Variants in INPP4B observed in about 807,000 individuals in gnomAD.
INPP4B encodes inositol polyphosphate 4-phosphatase type II.
A neutral mutation model predicts 122.5 loss-of-function variants in INPP4B; 55 were observed. The ratio of observed to expected loss-of-function variants is 0.45; its 90% CI spans 0.36 to 0.56. The LOEUF (loss-of-function observed/expected upper bound fraction) is 0.56, where lower values mean the gene tolerates loss of function less well. INPP4B is among the 20% of genes least tolerant of loss of function. INPP4B has a pLI of 0.00. For synonymous variants in INPP4B, 403 were observed against 388.7 expected, an observed-to-expected ratio of 1.04 and a Z score of -0.43; for missense variants, 1,000 against 1,097.7, an observed-to-expected ratio of 0.91 and a Z score of 1.26.
intron 17 of INPP4B, among the ~76,000 whole-genome samples, chr4:142,159,020 G>T (rs115552298): frequency 0.011 from 1,705 of 151,888 alleles, 38 homozygotes; most frequent in African/African-American, 0.039. Context: ...TATCTCAAGG[G>T]ATAGTATTAA....
chr4:142,429,291 G>T, intron 4 of INPP4B, 74 bp from the exon 5 acceptor site: 1 of 754,482 alleles, frequency 1.3e-6, no homozygotes, highest in South Asian at 1.7e-5. Flanking sequence ...ATATTACTAT[G>T]CTTCATTGTG....
intron 25 of INPP4B, among the ~76,000 whole-genome samples, chr4:142,045,201 T>C (rs1441021251): frequency 2.0e-5 from 3 of 152,134 alleles, no homozygotes; most frequent in African/African-American, 4.8e-5. Flanking sequence ...TGTATACATC[T>C]CCTGAACTGA....
At chr4:142,579,662 C>A (rs914461807) in intron 2 of INPP4B, among the ~76,000 whole-genome samples, 1 of 151,722 alleles carries the variant, frequency 6.6e-6, no homozygotes, top group Non-Finnish European at 1.5e-5. Context: ...GGGACATTGG[C>A]TTTTTCTCCC....
At chr4:142,659,827 CA>C (rs1294600741) in intron 2 of INPP4B, among the ~76,000 whole-genome samples, 1 of 152,118 alleles carries the variant, frequency 6.6e-6, no homozygotes, top group Non-Finnish European at 1.5e-5. Context: ...GAGGAGGACT[CA>C]ATTCCACAGC....
In INPP4B at chr4:142,805,281, C is replaced by T. The variant is rs559641510; in HGVS notation, c.-254+40928G>A. 7.2e-5 allele frequency among the ~76,000 whole-genome samples: 11 copies of T among 152,110 alleles called. No individual in the cohort carries two copies. The East Asian group carries it at 1.7e-3, about 24-fold the overall frequency. On this transcript the variant is annotated intron_variant, in intron 1 of 25. Transcript: ENST00000262992. Reference sequence around the variant, plus strand: ...CCACTACAGAAGTTAAAAGGATGTCCGCAATCACTGTTAATACTTAACATT... The same window carrying T: ...CCACTACAGAAGTTAAAAGGATGTCTGCAATCACTGTTAATACTTAACATT...
intron 9 of INPP4B, among the ~76,000 whole-genome samples, chr4:142,286,096 TA>T (rs973129282): frequency 6.6e-6 from 1 of 152,144 alleles, no homozygotes; most frequent in African/African-American, 2.4e-5. Context: ...GAAAAGTAAT[TA>T]AAGCAAAGTT....
Position 142,730,959 on chromosome 4 carries a change from T to A in INPP4B, c.-253-5058A>T, listed in dbSNP as rs1313128667. On this transcript the variant is annotated intron_variant, in intron 1 of 25. Coordinates refer to ENST00000262992, the MANE Select transcript of INPP4B (RefSeq NM_001101669.3). Reference sequence around the variant, plus strand: ...ATAGCAGTTGTTGCCGCACCAAGTTTTTTTTTAAATTTAATTTTACTTTAT... The same window carrying A: ...ATAGCAGTTGTTGCCGCACCAAGTTATTTTTTAAATTTAATTTTACTTTAT... Among the ~76,000 whole-genome samples the A allele has an allele frequency of 7.1e-5, 6 of 84,004 alleles. No individual in the cohort carries two copies. The Admixed American group carries it at 8.5e-4, about 12-fold the overall frequency. The allele number at this position is 84,004 out of a possible 152,430, so 55.1% of individuals were successfully genotyped here. A position where few individuals can be genotyped will look rare whatever the true frequency, so the allele number is the denominator to read the frequency against.
intron 25 of INPP4B, chr4:142,030,258 G>T: frequency 6.5e-7 from 1 of 1,535,432 alleles, no homozygotes; most frequent in South Asian, 1.2e-5. Flanking sequence ...TAGACAGCCT[G>T]TTTCAGGATC....
intron 17 of INPP4B, among the ~76,000 whole-genome samples, chr4:142,160,106 T>A (rs1160827051): frequency 6.6e-6 from 1 of 152,008 alleles, no homozygotes; most frequent in East Asian, 1.9e-4. Context: ...AAGAGTCTTG[T>A]AACTGTGGCA....
chr4:142,490,942 T>C (rs1821794734), intron 2 of INPP4B, among the ~76,000 whole-genome samples: 1 of 152,216 alleles, frequency 6.6e-6, no homozygotes, highest in African/African-American at 2.4e-5. Flanking sequence ...TGTGTATATA[T>C]ACATTTTCTT....
intron 1 of INPP4B, among the ~76,000 whole-genome samples, chr4:142,752,853 T>C (rs1201971199): frequency 1.3e-5 from 2 of 152,158 alleles, no homozygotes; most frequent in African/African-American, 4.8e-5. Context: ...TTTTCCTTTT[T>C]TCCTATGAAC....
intron 9 of INPP4B, among the ~76,000 whole-genome samples, chr4:142,274,643 T>C (rs1747506284): frequency 6.6e-6 from 1 of 151,992 alleles, no homozygotes; most frequent in East Asian, 1.9e-4. Context: ...AATTATGACA[T>C]TGGATCTTGG....
intron 3 of INPP4B, among the ~76,000 whole-genome samples, chr4:142,459,251 G>T (rs1816195654): frequency 7.2e-6 from 1 of 138,466 alleles, no homozygotes; most frequent in Admixed American, 7.6e-5. Flanking sequence ...AGTTTTCACA[G>T]ATACGGATCA....
At chr4:142,131,764 T>C (rs112486084) in intron 18 of INPP4B, among the ~76,000 whole-genome samples, 3,558 of 152,300 alleles carry the variant, frequency 0.023, 74 homozygotes, top group East Asian at 0.052. Context: ...GAGACCAGCC[T>C]GACCAATGTG....
intron 8 of INPP4B, among the ~76,000 whole-genome samples, chr4:142,306,876 A>G (rs1763579788): frequency 6.6e-6 from 1 of 152,148 alleles, no homozygotes; most frequent in South Asian, 2.1e-4. Flanking sequence ...CCTCATTTCT[A>G]AAAAAGAAAG....
At position 142,460,497 on chromosome 4, in the gene INPP4B, T is replaced by C. The variant is rs140011556; in HGVS notation, c.-127+2166A>G. ...AATATGATGTTTTTCTTCCTACATTTAAGTTTCAATGTTGGTCTATTTTCT... is the reference window on the plus strand; with the variant it reads ...AATATGATGTTTTTCTTCCTACATTCAAGTTTCAATGTTGGTCTATTTTCT... On this transcript the variant is annotated intron_variant, in intron 3 of 25. Transcript: ENST00000262992. 5.9e-5 allele frequency among the ~76,000 whole-genome samples: 9 copies of C among 152,320 alleles called. No homozygotes were observed. The East Asian group carries it at 1.7e-3, about 29-fold the overall frequency.
At chr4:142,448,249 A>T (rs896539876) in intron 3 of INPP4B, among the ~76,000 whole-genome samples, 1 of 147,398 alleles carries the variant, frequency 6.8e-6, no homozygotes, top group African/African-American at 2.5e-5. Context: ...ATGATGCTAC[A>T]CACCTATGGC....
intron 2 of INPP4B, among the ~76,000 whole-genome samples, chr4:142,505,056 G>A (rs1282598606): frequency 1.3e-5 from 2 of 151,948 alleles, no homozygotes. Flanking sequence ...ACAACATAGT[G>A]AGACCCAATG....
intron 5 of INPP4B, among the ~76,000 whole-genome samples, chr4:142,415,448 C>T (rs1448021037): frequency 6.6e-6 from 1 of 150,492 alleles, no homozygotes; most frequent in East Asian, 1.9e-4. Context: ...ATCAAAACCA[C>T]AATGATACCA....
Sources: allele counts gnomAD v4.1 joint callset (sites outside exome capture counted in the v4.1 genomes callset), GRCh38; gene constraint gnomAD v4.1.1; transcripts MANE v1.5; gene names NCBI Gene and HGNC (gene_info 2026-07-23, HGNC 2026-07-21).